Variants in NRXN1 observed in about 807,000 individuals in gnomAD.
The protein encoded by NRXN1 is neurexin 1.
NRXN1 carries 39 observed loss-of-function variants against 150.9 expected under a neutral mutation model. The observed-to-expected ratio is 0.26, with a 90% CI of 0.20 to 0.34. The LOEUF (loss-of-function observed/expected upper bound fraction) is 0.34. Among genes scored for constraint, NRXN1 ranks in the 10% least tolerant of loss-of-function variants. The pLI is 1.00. For missense variants in NRXN1, 1,815 were observed against 1,949.9 expected (o/e 0.93, Z 1.30); for synonymous variants, 924 against 757.0 (o/e 1.22, Z -3.62).
intron 17 of NRXN1, among the ~76,000 whole-genome samples, chr2:50,290,628 A>G (rs1332696177): frequency 6.6e-6 from 1 of 152,176 alleles, no homozygotes; most frequent in African/African-American, 2.4e-5. Context: ...GAAGGAGGCC[A>G]AGCCACTGGA....
chr2:50,281,600 T>A (rs2071473816), intron 17 of NRXN1, among the ~76,000 whole-genome samples: 1 of 152,062 alleles, frequency 6.6e-6, no homozygotes, highest in Non-Finnish European at 1.5e-5. Context: ...ATGATAAAGA[T>A]GTGTTCCTGG....
At chr2:50,829,053 C>G (rs1670988830) in intron 5 of NRXN1, among the ~76,000 whole-genome samples, 2 of 152,196 alleles carry the variant, frequency 1.3e-5, no homozygotes, top group Non-Finnish European at 2.9e-5. Flanking sequence ...ACAGCAAAAC[C>G]CCGTCTCCAC....
chr2:50,420,971 T>TCACCCTA, intron 17 of NRXN1, among the ~76,000 whole-genome samples: 1 of 76,500 alleles, frequency 1.3e-5, no homozygotes, highest in Non-Finnish European at 2.2e-5. Context: ...CCTGTGTGTG[T>TCACCCTA]GTGTGTGTGT....
rs115983830 is a variant in NRXN1, at chr2:50,905,937, G to A, written c.832+15932C>T. ...CCAATATTGCTTCATGATTTAGACA[G>A]TCTATTAAATGTTTAAGCAAGGCAC... On this transcript the variant is annotated intron_variant, in intron 5 of 22. Transcript: ENST00000401669. 2.7e-3 allele frequency among the ~76,000 whole-genome samples: 413 copies of A among 152,196 alleles called. 1 individual carries two copies. Among genetic ancestry groups the A allele is most frequent in the African/African-American group, 8.5e-3 (353 of 41,540 alleles).
chr2:50,158,920 C>CA (rs1323735614), intron 18 of NRXN1, among the ~76,000 whole-genome samples: 1 of 151,906 alleles, frequency 6.6e-6, no homozygotes, highest in Non-Finnish European at 1.5e-5. Flanking sequence ...CAGGATACGA[C>CA]AAAAAACGCG....
At chr2:49,989,397 CA>C (rs987948728) in intron 21 of NRXN1, among the ~76,000 whole-genome samples, 9 of 152,156 alleles carry the variant, frequency 5.9e-5, no homozygotes, top group African/African-American at 2.2e-4. Context: ...AATGTGATAA[CA>C]AGGCTCTAAG....
intron 5 of NRXN1, among the ~76,000 whole-genome samples, chr2:50,665,884 ATCT>A (rs1687952369): frequency 6.6e-6 from 1 of 152,120 alleles, no homozygotes; most frequent in East Asian, 1.9e-4. Context: ...TTTTATAAGC[ATCT>A]TCTTAAGACA....
At chr2:50,750,261 T>C (rs1275076192) in intron 5 of NRXN1, among the ~76,000 whole-genome samples, 2 of 152,052 alleles carry the variant, frequency 1.3e-5, no homozygotes, top group African/African-American at 2.4e-5. Context: ...TGACCTGTAG[T>C]CATTTTTTTC....
intron 17 of NRXN1, among the ~76,000 whole-genome samples, chr2:50,329,578 AGTGTGT>A (rs55865684): frequency 0.018 from 626 of 33,908 alleles, 29 homozygotes; most frequent in African/African-American, 0.028. Flanking sequence ...ATATAACAGT[AGTGTGT>A]GTGTGTGTGT....
Position 50,271,032 on chromosome 2 carries a change from T to C in NRXN1, c.3365-34062A>G, listed in dbSNP as rs910469581. ...ATTTATGGGTATGTATGCAATTATATGCACAACTGCATAGTTACAATGATA... is the reference window on the plus strand; with the variant it reads ...ATTTATGGGTATGTATGCAATTATACGCACAACTGCATAGTTACAATGATA... On this transcript the variant is annotated intron_variant, in intron 17 of 22. Coordinates refer to ENST00000401669, the MANE Select transcript of NRXN1 (RefSeq NM_001330078.2). 1.3e-5 allele frequency among the ~76,000 whole-genome samples: 2 copies of C among 152,314 alleles called. 1 individual carries two copies. The highest frequency in any genetic ancestry group is 4.1e-4 in the South Asian group (2 of 4,830).
intron 19 of NRXN1, among the ~76,000 whole-genome samples, chr2:50,067,203 A>C (rs1415258044): frequency 6.6e-6 from 1 of 152,174 alleles, no homozygotes; most frequent in Non-Finnish European, 1.5e-5. Context: ...TGGGGAAGAA[A>C]TTAGAATCTT....
chr2:50,101,703 T>C (rs934355923), intron 18 of NRXN1, among the ~76,000 whole-genome samples: 5 of 152,060 alleles, frequency 3.3e-5, no homozygotes, highest in African/African-American at 9.7e-5. Flanking sequence ...TCCATTGATA[T>C]AAGCCATAAG....
At chr2:50,359,480 G>A (rs1429467370) in intron 17 of NRXN1, among the ~76,000 whole-genome samples, 1 of 151,154 alleles carries the variant, frequency 6.6e-6, no homozygotes, top group African/African-American at 2.4e-5. Flanking sequence ...ATCAATAGCC[G>A]AACTATCAAG....
chr2:49,934,456 T>G (rs1200483654), intron 22 of NRXN1, among the ~76,000 whole-genome samples: 1 of 152,208 alleles, frequency 6.6e-6, no homozygotes, highest in Non-Finnish European at 1.5e-5. Context: ...TGATTTAGAA[T>G]TGGGTCTCTT....
chr2:50,950,835 T>C (rs1691210465), intron 2 of NRXN1, among the ~76,000 whole-genome samples: 1 of 152,234 alleles, frequency 6.6e-6, no homozygotes, highest in African/African-American at 2.4e-5. Flanking sequence ...TAGCTTTAGT[T>C]CTAATTATCA....
chr2:50,543,741 A>G (rs937032126), intron 9 of NRXN1, among the ~76,000 whole-genome samples: 5 of 152,074 alleles, frequency 3.3e-5, no homozygotes, highest in Non-Finnish European at 7.4e-5. Context: ...TCCTATTTTT[A>G]TTGTCTGTTC....
At chr2:50,779,591 AC>A (rs1704084289) in intron 5 of NRXN1, among the ~76,000 whole-genome samples, 1 of 151,808 alleles carries the variant, frequency 6.6e-6, no homozygotes, top group South Asian at 2.1e-4. Context: ...ACATGGTGAA[AC>A]CCCATCTCTA....
intron 21 of NRXN1, among the ~76,000 whole-genome samples, chr2:49,967,756 A>G (rs1573110723): frequency 6.6e-6 from 1 of 152,034 alleles, no homozygotes; most frequent in Non-Finnish European, 1.5e-5. Flanking sequence ...TTCTCTTGCA[A>G]TTGAAATCTT....
chr2:50,522,610 A>G (rs1206269940), intron 12 of NRXN1, among the ~76,000 whole-genome samples: 1 of 151,874 alleles, frequency 6.6e-6, no homozygotes, highest in Admixed American at 6.6e-5. Flanking sequence ...TGCCTAATCC[A>G]TGTAGTCATC....
Sources: gnomAD v4.1 joint callset for allele counts (sites outside exome capture counted in the v4.1 genomes callset) on GRCh38, gnomAD v4.1.1 for gene constraint, MANE v1.5 for transcripts, NCBI Gene and HGNC (gene_info 2026-07-23, HGNC 2026-07-21) for gene names.